Variants in DLC1 observed in about 807,000 individuals in gnomAD.
The protein encoded by DLC1 is DLC1 Rho GTPase activating protein.
A neutral mutation model predicts 140.3 loss-of-function variants in DLC1; 54 were observed. That is an observed-to-expected ratio of 0.38 (90% confidence interval 0.31 to 0.48). The LOEUF is 0.48. DLC1 is among the 20% of genes least tolerant of loss of function. The probability of loss-of-function intolerance (pLI) is 0.96; values close to 1 mark genes in which losing one functional copy is unlikely to be tolerated. For synonymous variants in DLC1, 986 were observed against 728.1 expected, an observed-to-expected ratio of 1.35 and a Z score of -5.70; for missense variants, 2,536 against 1,907.0, an observed-to-expected ratio of 1.33 and a Z score of -6.14.
At chr8:13,098,323 A>G in intron 10 of DLC1, 76 bp downstream of exon 10, 2 of 1,526,816 alleles carry the variant, frequency 1.3e-6, no homozygotes, top group Admixed American at 3.7e-5. Context: ...GTCATTTTTT[A>G]CTGTGGGGAC....
chr8:13,492,168 GA>G, intron 2 of DLC1, among the ~76,000 whole-genome samples: 1 of 152,254 alleles, frequency 6.6e-6, no homozygotes, highest in Non-Finnish European at 1.5e-5. Context: ...TGAGGATCTT[GA>G]AATATGAGCT....
chr8:13,524,413 C>T (rs1802856505), intron 1 of DLC1, among the ~76,000 whole-genome samples: 1 of 152,052 alleles, frequency 6.6e-6, no homozygotes, highest in African/African-American at 2.4e-5. Flanking sequence ...GCTGGTATTA[C>T]AGGCGTGAGC....
At chr8:13,464,456 G>A (rs577904287) in intron 2 of DLC1, among the ~76,000 whole-genome samples, 9 of 151,550 alleles carry the variant, frequency 5.9e-5, no homozygotes, top group East Asian at 5.8e-4. Flanking sequence ...ATGGTTAAAC[G>A]CAATCACATT....
At chr8:13,464,758 ATATATATT>A (rs1397469283) in intron 2 of DLC1, among the ~76,000 whole-genome samples, 7,450 of 61,262 alleles carry the variant, frequency 0.12, 235 homozygotes, top group East Asian at 0.22. Flanking sequence ...ATATATATAT[ATATATATT>A]TATATATATA....
At chr8:13,131,125 G>A (rs1245776484) in intron 5 of DLC1, among the ~76,000 whole-genome samples, 6 of 152,102 alleles carry the variant, frequency 3.9e-5, no homozygotes, top group African/African-American at 1.2e-4. Flanking sequence ...GCCTTACAGG[G>A]CACCCCTCTG....
At chr8:13,462,490 G>A (rs1401806566) in intron 2 of DLC1, among the ~76,000 whole-genome samples, 2 of 148,396 alleles carry the variant, frequency 1.3e-5, no homozygotes, top group Admixed American at 6.9e-5. Context: ...TGCAAGCTCC[G>A]CCTCCCAGGT....
At position 13,099,960 on chromosome 8, in the gene DLC1, G is replaced by C; in HGVS notation, c.2377C>G (p.Gln793Glu). 1.9e-6 allele frequency: 3 copies of C among 1,613,026 alleles called. No homozygotes were observed. The highest frequency in any genetic ancestry group is 2.5e-6 in the Non-Finnish European group (3 of 1,180,030). Residue 793 changes from glutamine (Q) to glutamate (E), a missense_variant, in exon 9 of 18, where the codon CAG (glutamine) becomes GAG (glutamate). By Grantham distance (29) the Gln-to-Glu change is conservative. Coordinates refer to ENST00000276297, the MANE Select transcript of DLC1 (RefSeq NM_182643.3). ...TAGCTCTCGCGGTTCTTAAAGTTCT[G>C]CTCCACCACGTTGTTAAATGTTGAC... is the stretch of plus-strand genomic sequence containing the variant. ...NQSTFNNVVE[Q>E]NFKNRESYPE...
At chr8:13,522,815 A>C (rs1011376275) in intron 1 of DLC1, among the ~76,000 whole-genome samples, 2 of 152,114 alleles carry the variant, frequency 1.3e-5, no homozygotes, top group African/African-American at 4.8e-5. Flanking sequence ...AGTAAGTCTC[A>C]CTGCAAAGGT....
At chr8:13,090,925 C>T (rs1188579318) in intron 14 of DLC1, among the ~76,000 whole-genome samples, 1 of 151,804 alleles carries the variant, frequency 6.6e-6, no homozygotes, top group South Asian at 2.1e-4. Flanking sequence ...CCACCTCAGC[C>T]TCCCAAGTAG....
intron 5 of DLC1, among the ~76,000 whole-genome samples, chr8:13,165,991 C>T (rs1297132683): frequency 6.6e-6 from 1 of 152,146 alleles, no homozygotes; most frequent in African/African-American, 2.4e-5. Context: ...CTATTTCCAC[C>T]ACTGGGAGCC....
At chr8:13,096,735 G>C (rs1818527039) in intron 10 of DLC1, among the ~76,000 whole-genome samples, 1 of 152,210 alleles carries the variant, frequency 6.6e-6, no homozygotes, top group South Asian at 2.1e-4. Flanking sequence ...TGAGTCCTAA[G>C]GAGAGGAGGA....
chr8:13,312,336 G>T (rs1385680709), intron 4 of DLC1, among the ~76,000 whole-genome samples: 1 of 87,990 alleles, frequency 1.1e-5, no homozygotes, highest in African/African-American at 4.4e-5. Flanking sequence ...ACTCCAGCCT[G>T]GGCGACAGAG....
At chr8:13,148,503 A>G (rs1041121539) in intron 5 of DLC1, among the ~76,000 whole-genome samples, 2 of 152,210 alleles carry the variant, frequency 1.3e-5, no homozygotes, top group African/African-American at 4.8e-5. Context: ...TGGAGCACAC[A>G]CAATTTTGAT....
At chr8:13,119,186 C>G (rs570639245) in intron 5 of DLC1, among the ~76,000 whole-genome samples, 1 of 147,068 alleles carries the variant, frequency 6.8e-6, no homozygotes, top group African/African-American at 2.5e-5. Flanking sequence ...TGTGACCACA[C>G]TACTGCATTC....
Position 13,528,619 on chromosome 8 carries a change from T to C in DLC1, c.-125-28423A>G, listed in dbSNP as rs992378786. ...GTGGGCCAAAGTAGAGTGTGGATTATATTTGCCAAGTTCTTATGTAGACAA... is the reference window on the plus strand; with the variant it reads ...GTGGGCCAAAGTAGAGTGTGGATTACATTTGCCAAGTTCTTATGTAGACAA... On this transcript the variant is annotated intron_variant, in intron 1 of 1. Transcript: ENST00000631382. Among the ~76,000 whole-genome samples, 3 of 152,226 alleles carry C rather than the reference T, an allele frequency of 2.0e-5. No individual in the cohort carries two copies. The East Asian group carries it at 5.8e-4, about 29-fold the overall frequency.
rs751193651 is a variant in DLC1 at position 13,098,405 on chromosome 8, A to C, written c.3161T>G (p.Phe1054Cys). Residue 1054 changes from phenylalanine (F) to cysteine (C), a missense_variant, in exon 10 of 18, where the codon TTT (phenylalanine) becomes TGT (cysteine). By Grantham distance (205) the Phe-to-Cys change is radical (BLOSUM62 -2). Transcript: ENST00000276297. ...TGATCATTTAAACTCTTACCAGCTA[A>C]AACCATGCTTGTTAGAAGGTGTGTA... Reference protein sequence around the residue: ...EKYTPSNKHGFSWAVPKFMKR... With the variant: ...EKYTPSNKHGCSWAVPKFMKR... The C allele has an allele frequency of 3.2e-5, 51 of 1,613,976 alleles. No individual in the cohort carries two copies. The highest frequency in any genetic ancestry group is 4.1e-5 in the Non-Finnish European group (48 of 1,179,976).
At chr8:13,413,256 A>ATTTTTTTTTTTTTTTTT (rs58038503) in intron 2 of DLC1, among the ~76,000 whole-genome samples, 1,685 of 81,848 alleles carry the variant, frequency 0.021, 378 homozygotes, top group Non-Finnish European at 0.024. Context: ...TTTTTTTGCG[A>ATTTTTTTTTTTTTTTTT]TTTTTTTTTT....
At position 13,579,373 on chromosome 8, in the gene DLC1, TAC is replaced by T. The variant is rs1491381668; in HGVS notation, c.-126+25162_-126+25163del. On this transcript the variant is annotated intron_variant, in intron 1 of 1. Coordinates refer to the DLC1 transcript ENST00000631382. ...TATATATATATATATTTTTATATAATACATATTTATATATTATATATTATATA... is the reference window on the plus strand; with the variant it reads ...TATATATATATATATTTTTATATAATATATTTATATATTATATATTATATA... Among the ~76,000 whole-genome samples the T allele has an allele frequency of 5.2e-4, 33 of 63,672 alleles. 2 individuals carry two copies. Among genetic ancestry groups the T allele is most frequent in the South Asian group, 1.1e-3 (2 of 1,884 alleles). The allele number at this position is 63,672 out of a possible 152,430, so 41.8% of individuals were successfully genotyped here. A position where few individuals can be genotyped will look rare whatever the true frequency, so the allele number is the denominator to read the frequency against.
At chr8:13,370,540 C>G (rs1835681816) in intron 4 of DLC1, among the ~76,000 whole-genome samples, 1 of 152,108 alleles carries the variant, frequency 6.6e-6, no homozygotes, top group Non-Finnish European at 1.5e-5. Context: ...CAGGCATTAT[C>G]CTTGATGTTC....
Sources: gnomAD v4.1 joint callset for allele counts (sites outside exome capture counted in the v4.1 genomes callset) on GRCh38, gnomAD v4.1.1 for gene constraint, MANE v1.5 for transcripts, NCBI Gene and HGNC (gene_info 2026-07-23, HGNC 2026-07-21) for gene names.